Variants in JPH3 observed in about 807,000 individuals in gnomAD.
JPH3 encodes the protein junctophilin-3.
Under a neutral mutation model 59.6 loss-of-function variants are expected in JPH3, and 11 were observed. The ratio of observed to expected loss-of-function variants is 0.18; its 90% CI spans 0.12 to 0.31. The LOEUF is 0.31. Among genes scored for constraint, JPH3 ranks in the 10% least tolerant of loss-of-function variants. The probability of loss-of-function intolerance (pLI) is 1.00; values close to 1 mark genes in which losing one functional copy is unlikely to be tolerated. For synonymous variants in JPH3, 673 were observed against 483.6 expected, an observed-to-expected ratio of 1.39 and a Z score of -5.14; for missense variants, 1,202 against 1,105.7, an observed-to-expected ratio of 1.09 and a Z score of -1.24.
At chr16:87,685,297 C>T (rs2033390209) in intron 3 of JPH3, among the ~76,000 whole-genome samples, 1 of 152,256 alleles carries the variant, frequency 6.6e-6, no homozygotes, top group East Asian at 1.9e-4. Flanking sequence ...AGCCCCCGCA[C>T]CCCCACCGCC....
At chr16:87,647,381 GGACA>G (rs1379266461) in intron 2 of JPH3, among the ~76,000 whole-genome samples, 3 of 152,070 alleles carry the variant, frequency 2.0e-5, no homozygotes, top group African/African-American at 7.2e-5. Context: ...ATGGACAGAA[GGACA>G]GACAGACGGG....
chr16:87,678,891 G>C (rs1452349612), intron 2 of JPH3, among the ~76,000 whole-genome samples: 1 of 152,242 alleles, frequency 6.6e-6, no homozygotes, highest in Non-Finnish European at 1.5e-5. Flanking sequence ...CTGGAGAGAG[G>C]ATGGATGGGA....
intron 1 of JPH3, among the ~76,000 whole-genome samples, chr16:87,639,373 C>A (rs1336138714): frequency 1.3e-5 from 2 of 152,298 alleles, no homozygotes; most frequent in African/African-American, 4.8e-5. Context: ...ATGGCTCCAC[C>A]AGACCCTGCA....
chr16:87,648,780 G>A (rs1005448438), intron 2 of JPH3, among the ~76,000 whole-genome samples: 1 of 152,168 alleles, frequency 6.6e-6, no homozygotes, highest in Non-Finnish European at 1.5e-5. Flanking sequence ...CCCAGTGTTC[G>A]GAGCCTTCGA....
At chr16:87,640,010 G>T (rs1039308586) in intron 1 of JPH3, among the ~76,000 whole-genome samples, 2 of 152,222 alleles carry the variant, frequency 1.3e-5, no homozygotes, top group Non-Finnish European at 2.9e-5. Context: ...TCTTTCCAGG[G>T]TCATCCTCCA....
At chr16:87,625,159 GCTT>G (rs1388220717) in intron 1 of JPH3, among the ~76,000 whole-genome samples, 1 of 152,204 alleles carries the variant, frequency 6.6e-6, no homozygotes, top group African/African-American at 2.4e-5. Flanking sequence ...CTGGCCCATG[GCTT>G]CTTTTAAAAA....
intron 3 of JPH3, among the ~76,000 whole-genome samples, chr16:87,688,781 G>A (rs2033481093): frequency 6.6e-6 from 1 of 152,216 alleles, no homozygotes; most frequent in African/African-American, 2.4e-5. Context: ...GTTCCCCGGA[G>A]GGTAAGAAGC....
intron 4 of JPH3, chr16:87,695,585 G>T (rs549506975): frequency 2.0e-4 from 92 of 455,798 alleles, no homozygotes; most frequent in Non-Finnish European, 3.9e-4. Flanking sequence ...CTGTGGGCAA[G>T]ACTGGAGTGG....
chr16:87,628,337 C>T (rs1225771986), intron 1 of JPH3, among the ~76,000 whole-genome samples: 1 of 152,248 alleles, frequency 6.6e-6, no homozygotes, highest in Non-Finnish European at 1.5e-5. Flanking sequence ...CACAGGGCTG[C>T]CACCTTGGGC....
intron 2 of JPH3, among the ~76,000 whole-genome samples, chr16:87,661,590 G>C (rs1344008760): frequency 6.6e-6 from 1 of 152,232 alleles, no homozygotes; most frequent in African/African-American, 2.4e-5. Context: ...ACAGCCGAGG[G>C]TCTGACTGGG....
rs117035182 is a variant in JPH3, at chr16:87,679,601, C to T, written c.1161-4541C>T. Among the ~76,000 whole-genome samples, 91 of 152,354 alleles carry T rather than the reference C, an allele frequency of 6.0e-4. No homozygotes were observed. The East Asian group carries it at 0.015, about 25-fold the overall frequency. The stretch of plus-strand genomic sequence containing the variant: ...CCCTGCCAATCCTTGCCTTGTCCCC[C>T]GGACGCATTCATCCAGTGGGTTGGG... On this transcript the variant is annotated intron_variant, in intron 2 of 4. Transcript: ENST00000284262.
chr16:87,680,304 G>C (rs1382887567), intron 2 of JPH3, among the ~76,000 whole-genome samples: 1 of 152,242 alleles, frequency 6.6e-6, no homozygotes, highest in Admixed American at 6.5e-5. Flanking sequence ...TGTGGCTTCA[G>C]GACTGGTGAC....
At chr16:87,684,078 T>C (rs2033358063) in intron 2 of JPH3, 64 bp from the exon 3 acceptor site, 1 of 1,315,420 alleles carries the variant, frequency 7.6e-7, no homozygotes, top group Non-Finnish European at 1.1e-6. Flanking sequence ...GCAGAGTACC[T>C]CAACCCAGAC....
intron 1 of JPH3, among the ~76,000 whole-genome samples, chr16:87,616,452 G>T (rs1405661221): frequency 2.0e-5 from 3 of 149,814 alleles, no homozygotes; most frequent in Non-Finnish European, 1.5e-5. Flanking sequence ...GGGTTTCACC[G>T]TGTTAGCCAG....
At chr16:87,651,946 T>A (rs6540066) in intron 2 of JPH3, among the ~76,000 whole-genome samples, 24 of 152,080 alleles carry the variant, frequency 1.6e-4, no homozygotes, top group Admixed American at 3.3e-4. Flanking sequence ...AAGGAAGAGT[T>A]CATTGATGCA....
intron 2 of JPH3, among the ~76,000 whole-genome samples, chr16:87,670,358 G>A (rs977888079): frequency 6.6e-6 from 1 of 152,206 alleles, no homozygotes; most frequent in Non-Finnish European, 1.5e-5. Context: ...CAGGGTGGGT[G>A]GGGAGGTTCT....
chr16:87,654,132 G>A (rs1428802720), intron 2 of JPH3: 1 of 152,198 alleles, frequency 6.6e-6, no homozygotes, highest in Non-Finnish European at 1.5e-5. Flanking sequence ...CGTCCTCTGG[G>A]CGGTCCACGA....
chr16:87,694,822 C>G (rs1045758441), intron 4 of JPH3: 2 of 190,236 alleles, frequency 1.1e-5, no homozygotes, highest in African/African-American at 4.7e-5. Context: ...CTGTCCCCTC[C>G]TCCCCCAGCT....
intron 1 of JPH3, among the ~76,000 whole-genome samples, chr16:87,634,110 C>T (rs551382089): frequency 6.6e-6 from 1 of 152,190 alleles, no homozygotes; most frequent in Non-Finnish European, 1.5e-5. Context: ...GCAGGAGGGA[C>T]AGGCACGGGG....
Sources: allele counts gnomAD v4.1 joint callset (sites outside exome capture counted in the v4.1 genomes callset), GRCh38; gene constraint gnomAD v4.1.1; transcripts MANE v1.5; gene names NCBI Gene and HGNC (gene_info 2026-07-23, HGNC 2026-07-21).